PYROXD2: variants seen among roughly 807,000 people sequenced by gnomAD.
PYROXD2 encodes pyridine nucleotide-disulfide oxidoreductase domain-containing protein 2.
In PYROXD2, 69 loss-of-function variants were observed where a neutral mutation model predicts 71.1. The observed-to-expected ratio is 0.97, with a 90% CI of 0.80 to 1.19. PYROXD2 has a LOEUF of 1.19. PYROXD2 is among the 50% of genes most tolerant of loss of function. The pLI is 0.00. For missense variants in PYROXD2, 745 were observed against 748.9 expected (o/e 0.99, Z 0.06); for synonymous variants, 287 against 302.7 (o/e 0.95, Z 0.54).
At chr10:98,411,582 CTGG>C (rs1843791340) in intron 1 of PYROXD2, 1 of 152,016 alleles carries the variant, frequency 6.6e-6, no homozygotes, top group Non-Finnish European at 1.5e-5. Context: ...TCAACATGTG[CTGG>C]AGTGACTAGC....
Position 98,392,331 on chromosome 10 carries a change from C to T in PYROXD2, c.1062+101G>A, listed in dbSNP as rs115280175. ...CCCAAATGCAGAGACTTGGCTTTTGCATCTCACACCCTGATGCAATCCTGG... is the reference window on the plus strand; with the variant it reads ...CCCAAATGCAGAGACTTGGCTTTTGTATCTCACACCCTGATGCAATCCTGG... On this transcript the variant is annotated intron_variant, in intron 10 of 15. Coordinates refer to ENST00000370575, the MANE Select transcript of PYROXD2 (RefSeq NM_032709.3). The T allele has an allele frequency of 2.3e-4, 350 of 1,519,622 alleles. No homozygotes were observed. In the African/African-American group the frequency reaches 4.5e-3, roughly 19 times the overall value. 94.1% of individuals were successfully genotyped at this position (1,519,622 alleles called of 1,614,324 possible). A position where few individuals can be genotyped will look rare whatever the true frequency, so the allele number is the denominator to read the frequency against.
At chr10:98,391,736 G>A (rs1185511829) in intron 10 of PYROXD2, among the ~76,000 whole-genome samples, 1 of 152,196 alleles carries the variant, frequency 6.6e-6, no homozygotes, top group Non-Finnish European at 1.5e-5. Flanking sequence ...ATGCATGCTT[G>A]AGCTTGCCTG....
At chr10:98,402,978 T>G (rs1843468075) in intron 4 of PYROXD2, among the ~76,000 whole-genome samples, 1 of 152,188 alleles carries the variant, frequency 6.6e-6, no homozygotes, top group African/African-American at 2.4e-5. Flanking sequence ...AGAAATGAGA[T>G]CGGAGAGTAG....
chr10:98,386,098 G>C (rs1223804082), intron 14 of PYROXD2, among the ~76,000 whole-genome samples: 1 of 148,864 alleles, frequency 6.7e-6, no homozygotes, highest in African/African-American at 2.5e-5. Flanking sequence ...ACAACACAGG[G>C]AGACTCATCT....
intron 15 of PYROXD2, 136 bp downstream of exon 15, chr10:98,384,811 G>A: frequency 3.9e-6 from 5 of 1,298,440 alleles, no homozygotes; most frequent in Non-Finnish European, 5.1e-6. Flanking sequence ...CTGAACACAG[G>A]GCAGCTTATG....
rs981822171 is a variant in PYROXD2, at chr10:98,407,737, C to T, written c.242-82G>A. On this transcript the variant is annotated intron_variant, in intron 3 of 15. Coordinates refer to ENST00000370575, the MANE Select transcript of PYROXD2 (RefSeq NM_032709.3). ...ACCAGGGGTCAGCAGGGATGGAGACCGTCACCAGGGGTCAGCAGGGATGGA... is the reference window on the plus strand; with the variant it reads ...ACCAGGGGTCAGCAGGGATGGAGACTGTCACCAGGGGTCAGCAGGGATGGA... 50 of 1,354,666 alleles carry T rather than the reference C, an allele frequency of 3.7e-5. 9 individuals carry two copies. The highest frequency in any genetic ancestry group is 2.0e-4 in the African/African-American group (8 of 40,722). The allele number at this position is 1,354,666 out of a possible 1,614,324, so 83.9% of individuals were successfully genotyped here.
Position 98,388,197 on chromosome 10 carries a change from A to C in PYROXD2, c.1447+157T>G, listed in dbSNP as rs926066403. ...TCTTAGCCCAGTTCCTGACCCCTGC[A>C]GTCAACTATGTTGACTTGAGGTTCC... On this transcript the variant is annotated intron_variant, in intron 13 of 15. Transcript: ENST00000370575. 1.0e-5 allele frequency: 7 copies of C among 693,518 alleles called. No homozygotes were observed. In the African/African-American group the frequency reaches 1.2e-4, roughly 12 times the overall value. 43.0% of individuals were successfully genotyped at this position (693,518 alleles called of 1,614,324 possible). A position where few individuals can be genotyped will look rare whatever the true frequency, so the allele number is the denominator to read the frequency against.
rs1191368837 is a variant in PYROXD2, at chr10:98,408,007, G to A, written c.148-10C>T. 1 of 1,593,222 alleles carries A rather than the reference G, an allele frequency of 6.3e-7. No individual in the cohort carries two copies. Among genetic ancestry groups the A allele is most frequent in the Admixed American group, 1.7e-5 (1 of 57,592 alleles). On this transcript the variant is annotated splice_polypyrimidine_tract_variant and intron_variant, in intron 2 of 15. Transcript: ENST00000370575. ...TCTGCAGGTACGCTGCCTGGGAAGTGGGGCAGCACACAGGGCCCTCCCTTT... is the reference window on the plus strand; with the variant it reads ...TCTGCAGGTACGCTGCCTGGGAAGTAGGGCAGCACACAGGGCCCTCCCTTT...
intron 1 of PYROXD2, 172 bp from the exon 2 acceptor site, chr10:98,411,130 A>C: frequency 1.2e-6 from 1 of 849,496 alleles, no homozygotes; most frequent in Non-Finnish European, 1.8e-6. Flanking sequence ...GTTCAACTCC[A>C]TGAAACACCA....
intron 8 of PYROXD2, among the ~76,000 whole-genome samples, chr10:98,393,291 G>T (rs1199386789): frequency 6.6e-6 from 1 of 152,092 alleles, no homozygotes. Flanking sequence ...TATGTGCATA[G>T]CTTATTACCA....
In PYROXD2 at chr10:98,404,141, G is replaced by A. The variant is rs145322916; in HGVS notation, c.315+3441C>T. 4.0e-4 allele frequency among the ~76,000 whole-genome samples: 61 copies of A among 152,274 alleles called. 1 individual carries two copies. In the East Asian group the frequency reaches 0.012, roughly 29 times the overall value. On this transcript the variant is annotated intron_variant, in intron 4 of 15. Coordinates refer to ENST00000370575, the MANE Select transcript of PYROXD2 (RefSeq NM_032709.3). ...TCTGTTCCTAGTGAACTATAACCTAGAAGGAGGCGTAAACAGACTGTAACC... is the reference window on the plus strand; with the variant it reads ...TCTGTTCCTAGTGAACTATAACCTAAAAGGAGGCGTAAACAGACTGTAACC...
At position 98,385,034 on chromosome 10, in the gene PYROXD2, G is replaced by C; in HGVS notation, c.1588C>G (p.Leu530Val). 6.2e-7 allele frequency: 1 copy of C among 1,613,916 alleles called. No individual in the cohort carries two copies. The change falls in exon 15 of 16, where the codon CTC becomes GTC. Residue 530 changes from leucine to valine, a missense_variant. Leu to Val is a conservative substitution (Grantham distance 32). Transcript: ENST00000370575. ...AGGGGCACGGGGCGGGCGAAGTAGA[G>C]CTGGTCCAGGGACATGGCGCAGTGG... ...IFHCAMSLDQ[L>V]YFARPVPLHS... is the part of the protein sequence containing the mutation.
At chr10:98,408,021 G>A in intron 2 of PYROXD2, 24 bp from the exon 3 acceptor site, 2 of 1,579,114 alleles carry the variant, frequency 1.3e-6, no homozygotes, top group Non-Finnish European at 1.7e-6. Flanking sequence ...CAGCACACAG[G>A]GCCCTCCCTT....
intron 4 of PYROXD2, 108 bp downstream of exon 4, chr10:98,407,474 C>T: frequency 1.4e-6 from 2 of 1,384,092 alleles, no homozygotes; most frequent in East Asian, 4.8e-5. Context: ...AGAGGGAGCC[C>T]TCAGGGGCGG....
chr10:98,391,161 A>T, intron 10 of PYROXD2, 79 bp from the exon 11 acceptor site: 1 of 938,786 alleles, frequency 1.1e-6, no homozygotes, highest in Non-Finnish European at 1.7e-6. Context: ...GCTCAGGAAG[A>T]TCCCTCAGTC....
intron 4 of PYROXD2, among the ~76,000 whole-genome samples, chr10:98,406,876 A>G (rs1384277969): frequency 1.4e-5 from 2 of 139,042 alleles, no homozygotes; most frequent in African/African-American, 2.8e-5. Context: ...TGGGCGACAG[A>G]GCCAGACTCC....
chr10:98,397,373 G>C lies in PYROXD2; in HGVS notation c.597C>G (p.Leu199=), dbSNP rs760889989. The part of the protein sequence containing the change: ...HGSLLQRMRS[L]STLKPLLKAG... ...CCTTCAGCAGGGGCTTGAGGGTGGAGAGCGACCTCATCCTTTGCAGCAAGG... is the reference window on the plus strand; with the variant it reads ...CCTTCAGCAGGGGCTTGAGGGTGGACAGCGACCTCATCCTTTGCAGCAAGG... The change falls in exon 6 of 16, where the codon CTC becomes CTG. Residue 199 remains leucine, a synonymous_variant. Transcript: ENST00000370575. 6.2e-7 allele frequency: 1 copy of C among 1,610,420 alleles called. No homozygotes were observed. Among genetic ancestry groups the C allele is most frequent in the Admixed American group, 1.7e-5 (1 of 59,758 alleles).
chr10:98,384,269 G>T (rs185063728), intron 15 of PYROXD2, among the ~76,000 whole-genome samples: 2 of 152,196 alleles, frequency 1.3e-5, no homozygotes, highest in South Asian at 2.1e-4. Flanking sequence ...AGCCAGCTCC[G>T]TTAGGCTTGG....
At position 98,400,320 on chromosome 10, in the gene PYROXD2, T is replaced by C. The variant is rs920510122; in HGVS notation, c.316-63A>G. On this transcript the variant is annotated intron_variant, in intron 4 of 15. Transcript: ENST00000370575. ...CTCTGTGGTCTCTGCCCATCATCTT[T>C]CTCCGATTGTGTTTGTGTGACCATT... The C allele has an allele frequency of 3.4e-5, 50 of 1,492,386 alleles. No homozygotes were observed. In the African/African-American group the frequency reaches 5.7e-4, roughly 17 times the overall value. 92.4% of individuals were successfully genotyped at this position (1,492,386 alleles called of 1,614,324 possible).
Sources: allele counts gnomAD v4.1 joint callset (sites outside exome capture counted in the v4.1 genomes callset), GRCh38; gene constraint gnomAD v4.1.1; transcripts MANE v1.5; gene names NCBI Gene and HGNC (gene_info 2026-07-23, HGNC 2026-07-21).